The following KALRN variants were observed in gnomAD, a reference collection of about 807,000 sequenced individuals.
The protein encoded by KALRN is kalirin.
Under a neutral mutation model 353.7 loss-of-function variants are expected in KALRN, and 70 were observed. The observed-to-expected ratio is 0.20, with a 90% confidence interval of 0.16 to 0.24. The LOEUF (loss-of-function observed/expected upper bound fraction) is 0.24, where lower values mean the gene tolerates loss of function less well. KALRN is among the 10% of genes least tolerant of loss of function. KALRN has a pLI of 1.00. For synonymous variants in KALRN, 1,391 were observed against 1,434.8 expected (o/e 0.97, Z 0.69); for missense variants, 2,791 against 3,756.7 (o/e 0.74, Z 6.72).
intron 1 of KALRN, among the ~76,000 whole-genome samples, chr3:124,105,647 A>C (rs921765380): frequency 1.3e-5 from 2 of 152,210 alleles, no homozygotes; most frequent in African/African-American, 2.4e-5. Flanking sequence ...CTTTGGTGAC[A>C]GAAGGCATTG....
chr3:124,250,176 A>C (rs2070925915), intron 3 of KALRN, among the ~76,000 whole-genome samples: 1 of 152,316 alleles, frequency 6.6e-6, no homozygotes, highest in Admixed American at 6.5e-5. Flanking sequence ...CTGCTACTTA[A>C]GGAGAAAGAG....
intron 34 of KALRN, among the ~76,000 whole-genome samples, chr3:124,619,397 T>C (rs1212064745): frequency 6.6e-6 from 1 of 152,106 alleles, no homozygotes; most frequent in Non-Finnish European, 1.5e-5. Context: ...CAGATATCTC[T>C]ATGAGGTAGT....
At position 124,637,302 on chromosome 3, in the gene KALRN, T is replaced by G; in HGVS notation, c.5663T>G (p.Leu1888Arg). 1.2e-6 allele frequency: 2 copies of G among 1,612,726 alleles called. No homozygotes were observed. The highest frequency in any genetic ancestry group is 1.7e-6 in the Non-Finnish European group (2 of 1,178,740). Residue 1888 changes from leucine to arginine, a missense_variant and splice_region_variant, in exon 37 of 60, where the codon CTG becomes CGG. Around this residue, in one of 11 missense-constraint regions of KALRN, gnomAD observed 1,065 missense variants for 1,156.4 expected, o/e 0.92. Coordinates refer to ENST00000682506, the MANE Select transcript of KALRN (RefSeq NM_001388419.1). ...NAIEKLVKNK[L>R]SLEGSSYRGS... ...ATAGAAAAGTTGGTCAAAAACAAGC[T>G]GGTAAGTGGGGGTCCTGGAGGCAGT...
intron 42 of KALRN, 47 bp downstream of exon 42, chr3:124,658,564 G>C (rs1301211011): frequency 8.7e-6 from 12 of 1,380,994 alleles, no homozygotes; most frequent in Non-Finnish European, 1.1e-5. Context: ...GAAAACTCAG[G>C]CCAAAACAGC....
At chr3:124,344,082 G>A (rs1361136402) in intron 9 of KALRN, among the ~76,000 whole-genome samples, 4 of 152,176 alleles carry the variant, frequency 2.6e-5, no homozygotes, top group Admixed American at 2.6e-4. Context: ...GACTATGATT[G>A]GTAATTGAGT....
At chr3:124,321,367 G>A (rs567368831) in intron 6 of KALRN, among the ~76,000 whole-genome samples, 1 of 152,216 alleles carries the variant, frequency 6.6e-6, no homozygotes, top group African/African-American at 2.4e-5. Context: ...TCTAGAATAA[G>A]CAGTATTTCT....
chr3:124,161,622 G>A (rs1034579769), intron 1 of KALRN, among the ~76,000 whole-genome samples: 2 of 152,198 alleles, frequency 1.3e-5, no homozygotes, highest in Non-Finnish European at 2.9e-5. Flanking sequence ...TACTAAAAAT[G>A]TCTCGTGTTA....
chr3:124,421,781 G>A (rs958853182), intron 14 of KALRN, among the ~76,000 whole-genome samples: 1 of 152,166 alleles, frequency 6.6e-6, no homozygotes, highest in African/African-American at 2.4e-5. Flanking sequence ...GCTACCTTGG[G>A]CCTGCTGATG....
At chr3:124,645,854 T>C (rs1176904913) in intron 37 of KALRN, among the ~76,000 whole-genome samples, 1 of 152,112 alleles carries the variant, frequency 6.6e-6, no homozygotes, top group Non-Finnish European at 1.5e-5. Context: ...ATAATTCTAT[T>C]CTTAATTTAT....
Position 124,183,799 on chromosome 3 carries a change from G to A in KALRN, c.74-44191G>A, listed in dbSNP as rs371962838. On this transcript the variant is annotated intron_variant, in intron 1 of 59. Coordinates refer to ENST00000682506, the MANE Select transcript of KALRN (RefSeq NM_001388419.1). ...ATGGCAGTCCTAGCAAACTAGTACC[G>A]AGGGCATTTTTGTTTTAAAGTGTTC... is the stretch of plus-strand genomic sequence containing the variant. Among the ~76,000 whole-genome samples, 155 of 152,266 alleles carry A rather than the reference G, an allele frequency of 1.0e-3. No individual in the cohort carries two copies. In the Middle Eastern group the frequency reaches 0.01, roughly 10 times the overall value.
At chr3:124,287,290 G>T (rs2075997821) in intron 5 of KALRN, among the ~76,000 whole-genome samples, 1 of 152,080 alleles carries the variant, frequency 6.6e-6, no homozygotes, top group African/African-American at 2.4e-5. Flanking sequence ...CTGGAGTCTT[G>T]TCCTGCATAT....
intron 5 of KALRN, among the ~76,000 whole-genome samples, chr3:124,270,077 A>G (rs1278820385): frequency 6.6e-6 from 1 of 152,240 alleles, no homozygotes. Flanking sequence ...TGAGGATACA[A>G]AGGTATCTTT....
chr3:124,055,062 C>T (rs533482966), intron 1 of KALRN, among the ~76,000 whole-genome samples: 56 of 152,216 alleles, frequency 3.7e-4, no homozygotes, highest in African/African-American at 1.2e-3. Flanking sequence ...GCTAAACTTC[C>T]GTGTCTGGTG....
chr3:124,654,100 C>G (rs1282389039), intron 38 of KALRN, among the ~76,000 whole-genome samples: 2 of 152,198 alleles, frequency 1.3e-5, no homozygotes, highest in Admixed American at 6.5e-5. Flanking sequence ...AGAGGGCCCT[C>G]CCAGCCCCAT....
At chr3:124,623,399 TACACACAC>T (rs372330681) in intron 34 of KALRN, among the ~76,000 whole-genome samples, 2 of 136,512 alleles carry the variant, frequency 1.5e-5, no homozygotes, top group African/African-American at 5.5e-5. Flanking sequence ...TATTTATTTA[TACACACAC>T]ACACACACAC....
At chr3:124,524,351 G>A (rs2109048680) in intron 33 of KALRN, among the ~76,000 whole-genome samples, 1 of 152,332 alleles carries the variant, frequency 6.6e-6, no homozygotes, top group East Asian at 1.9e-4. Context: ...AGATAGGTAT[G>A]TATCGGCAGC....
At chr3:124,626,837 A>G (rs1056937738) in intron 34 of KALRN, among the ~76,000 whole-genome samples, 3 of 152,218 alleles carry the variant, frequency 2.0e-5, no homozygotes, top group Non-Finnish European at 4.4e-5. Context: ...GATAAGATTA[A>G]ATACATGTGT....
intron 1 of KALRN, among the ~76,000 whole-genome samples, chr3:124,148,182 G>C (rs2067617620): frequency 6.6e-6 from 1 of 152,122 alleles, no homozygotes. Context: ...AGGCCATCAG[G>C]GGTTCAGTGG....
At chr3:124,086,707 T>A (rs2060844390) in intron 1 of KALRN, among the ~76,000 whole-genome samples, 1 of 152,242 alleles carries the variant, frequency 6.6e-6, no homozygotes, top group Non-Finnish European at 1.5e-5. Flanking sequence ...AAATATAATG[T>A]ACTCACAGTG....
Sources: gnomAD v4.1 joint callset for allele counts (sites outside exome capture counted in the v4.1 genomes callset) on GRCh38, gnomAD v4.1.1 for gene constraint, gnomAD v4.1.1 regional missense constraint, MANE v1.5 for transcripts, NCBI Gene and HGNC (gene_info 2026-07-23, HGNC 2026-07-21) for gene names.